Variants in ANKRD11 observed in about 807,000 individuals in gnomAD.
ANKRD11 encodes ankyrin repeat domain-containing protein 11.
ANKRD11 carries 17 observed loss-of-function variants against 195.7 expected under a neutral mutation model. The observed-to-expected ratio is 0.09, with a 90% confidence interval of 0.06 to 0.13. The LOEUF (loss-of-function observed/expected upper bound fraction) is 0.13. ANKRD11 is among the 10% of genes least tolerant of loss of function. ANKRD11 has a pLI of 1.00. For synonymous variants in ANKRD11, 1,953 were observed against 1,528.1 expected, an observed-to-expected ratio of 1.28 and a Z score of -6.49; for missense variants, 3,735 against 3,566.1, an observed-to-expected ratio of 1.05 and a Z score of -1.21.
At position 89,291,506 on chromosome 16, in the gene ANKRD11, G is replaced by A. The variant is rs566855258; in HGVS notation, c.227-323C>T. Among the ~76,000 whole-genome samples the A allele has an allele frequency of 6.6e-6, 1 of 152,160 alleles. No homozygotes were observed. The highest frequency in any genetic ancestry group is 2.4e-5 in the African/African-American group (1 of 41,448). ...CAGACCTCGTACCACACATGAATGC[G>A]GTGGGACAGCTTAGCACCGGTGACC... On this transcript the variant is annotated intron_variant, in intron 4 of 12. Transcript: ENST00000301030. The surrounding 1 kb of genome is among the most constrained non-coding windows in gnomAD (Gnocchi z 5.3).
chr16:89,340,062 C>T (rs898131474), intron 2 of ANKRD11: 1 of 152,188 alleles, frequency 6.6e-6, no homozygotes, highest in Non-Finnish European at 1.5e-5. Context: ...TGTTGACTAA[C>T]ATTTGTTTTT....
In ANKRD11 at chr16:89,274,691, C is replaced by T. The variant is rs932853081; in HGVS notation, c.7713+123G>A. ...TAGAGGCATGCAAAGGACTCTGTAG[C>T]CCCTGCAAGGTGCTGAGCACCCGGG... is the stretch of plus-strand genomic sequence containing the variant. On this transcript the variant is annotated intron_variant, in intron 11 of 12. Transcript: ENST00000301030. 5 of 1,410,848 alleles carry T rather than the reference C, an allele frequency of 3.5e-6. No homozygotes were observed. The African/African-American group carries it at 5.6e-5, about 16-fold the overall frequency. 87.4% of individuals were successfully genotyped at this position (1,410,848 alleles called of 1,614,324 possible).
Position 89,281,576 on chromosome 16 carries a change from C to T in ANKRD11, c.4966G>A (p.Glu1656Lys), listed in dbSNP as rs1235885739. 1 of 1,614,160 alleles carries T rather than the reference C, an allele frequency of 6.2e-7. No individual in the cohort carries two copies. Among genetic ancestry groups the T allele is most frequent in the South Asian group, 1.1e-5 (1 of 91,086 alleles). The change falls in exon 9 of 13, where the codon GAG becomes AAG. Residue 1656 changes from glutamate (E) to lysine (K), a missense_variant. Glu to Lys is a moderately conservative substitution (Grantham distance 56). Transcript: ENST00000301030. The surrounding 1 kb of genome is among the most constrained non-coding windows in gnomAD (Gnocchi z 5.5). ...DPPFKDKKLK[E>K]STPIPPAAEN... ...GCGGCAGGTGGAATAGGAGTCGACT[C>T]TTTGAGCTTTTTGTCTTTAAATGGA...
At chr16:89,325,685 T>C (rs28641045) in intron 2 of ANKRD11, among the ~76,000 whole-genome samples, 1,702 of 152,312 alleles carry the variant, frequency 0.011, 36 homozygotes, top group African/African-American at 0.039. Flanking sequence ...GCGTTTGCTT[T>C]GTGGTCTGCT....
At chr16:89,274,117 G>A (rs1472618820) in intron 11 of ANKRD11, among the ~76,000 whole-genome samples, 4 of 152,242 alleles carry the variant, frequency 2.6e-5, no homozygotes, top group African/African-American at 9.6e-5. Flanking sequence ...TCTGAGGCAG[G>A]AGTCCCTGGC....
chr16:89,368,755 A>T (rs2152074648), intron 2 of ANKRD11, among the ~76,000 whole-genome samples: 1 of 152,070 alleles, frequency 6.6e-6, no homozygotes, highest in African/African-American at 2.4e-5. Context: ...AAAATACAAA[A>T]ATTAGTCAGG....
chr16:89,421,756 A>C (rs991917965), intron 1 of ANKRD11, among the ~76,000 whole-genome samples: 22 of 146,832 alleles, frequency 1.5e-4, no homozygotes, highest in Admixed American at 3.4e-4. Context: ...TGACGGAGTC[A>C]GGGATGGGAC....
chr16:89,449,431 T>A (rs1420833363), intron 1 of ANKRD11, among the ~76,000 whole-genome samples: 2 of 151,810 alleles, frequency 1.3e-5, no homozygotes, highest in Non-Finnish European at 2.9e-5. Flanking sequence ...AACCAGGATC[T>A]CTGGAAATGC....
intron 2 of ANKRD11, among the ~76,000 whole-genome samples, chr16:89,338,414 T>C (rs2038484798): frequency 1.6e-5 from 2 of 122,832 alleles, no homozygotes. Flanking sequence ...GTACTTAACA[T>C]ACACTCTGTT....
At chr16:89,292,232 T>C (rs552284017) in intron 4 of ANKRD11, among the ~76,000 whole-genome samples, 13 of 152,264 alleles carry the variant, frequency 8.5e-5, no homozygotes, top group Admixed American at 8.5e-4. Flanking sequence ...TTCCCTTCCA[T>C]TCAGCACTCC....
At chr16:89,368,714 C>G (rs985039857) in intron 2 of ANKRD11, among the ~76,000 whole-genome samples, 1 of 151,404 alleles carries the variant, frequency 6.6e-6, no homozygotes, top group African/African-American at 2.4e-5. Context: ...TCAAGACCAG[C>G]CTAGGCAACA....
Position 89,368,386 on chromosome 16 carries a change from T to G in ANKRD11, c.-60+49898A>C, listed in dbSNP as rs931421359. Among the ~76,000 whole-genome samples the G allele has an allele frequency of 1.5e-3, 194 of 129,416 alleles. 1 individual carries two copies. The highest frequency in any genetic ancestry group is 3.9e-3 in the Middle Eastern group (1 of 258). 84.9% of individuals were successfully genotyped at this position (129,416 alleles called of 152,430 possible). ...TAATTTTTGTGTTTTTTTTTTTTTT[T>G]TTTTTTTTTTTTTTTTAGTAGAGAT... is the stretch of plus-strand genomic sequence containing the variant. On this transcript the variant is annotated intron_variant, in intron 2 of 12. Transcript: ENST00000301030.
intron 1 of ANKRD11, among the ~76,000 whole-genome samples, chr16:89,442,473 G>T (rs140313141): frequency 6.6e-6 from 1 of 151,950 alleles, no homozygotes; most frequent in Admixed American, 6.6e-5. Context: ...TCCCACAAAC[G>T]CCCCTTTATG....
Position 89,291,268 on chromosome 16 carries a change from G to A in ANKRD11, c.227-85C>T, listed in dbSNP as rs991268511. On this transcript the variant is annotated intron_variant, in intron 4 of 12. Transcript: ENST00000301030. The surrounding 1 kb of genome is among the most constrained non-coding windows in gnomAD (Gnocchi z 5.3). ...CTAGGTCCTTACCTAATGTTACGGA[G>A]CCCCCTGCGTCCACCTGACAGCTGA... 1.6e-5 allele frequency: 24 copies of A among 1,523,494 alleles called. No individual in the cohort carries two copies. Among genetic ancestry groups the A allele is most frequent in the Non-Finnish European group, 2.1e-5 (23 of 1,117,030 alleles). The allele number at this position is 1,523,494 out of a possible 1,614,324, so 94.4% of individuals were successfully genotyped here.
chr16:89,447,958 C>A (rs975953235), intron 1 of ANKRD11, among the ~76,000 whole-genome samples: 1 of 152,076 alleles, frequency 6.6e-6, no homozygotes, highest in Admixed American at 6.6e-5. Context: ...GCGCCCACCA[C>A]CACGCCTGGC....
At chr16:89,278,586 T>G (rs2033864430) in intron 9 of ANKRD11, 3 of 457,128 alleles carry the variant, frequency 6.6e-6, no homozygotes, top group Non-Finnish European at 8.8e-6. Flanking sequence ...CCAAGGGAGC[T>G]GCAGCTCTGC....
At chr16:89,271,145 C>A (rs996239829) in intron 11 of ANKRD11, 1 of 573,436 alleles carries the variant, frequency 1.7e-6, no homozygotes, top group Non-Finnish European at 3.2e-6. Context: ...CTCCTGGGCA[C>A]CGGGTGCCCG....
intron 12 of ANKRD11, chr16:89,270,379 C>A (rs2033033683): frequency 3.6e-6 from 1 of 275,492 alleles, no homozygotes; most frequent in Admixed American, 4.8e-5. Context: ...CCTGGTGGAT[C>A]CTCCAGGGTG....
At chr16:89,410,986 G>A (rs993158595) in intron 2 of ANKRD11, among the ~76,000 whole-genome samples, 1 of 152,224 alleles carries the variant, frequency 6.6e-6, no homozygotes, top group Non-Finnish European at 1.5e-5. Context: ...CTCCACAGGC[G>A]CTTTCCTGAA....
Sources: allele counts gnomAD v4.1 joint callset (sites outside exome capture counted in the v4.1 genomes callset), GRCh38; gene constraint gnomAD v4.1.1; non-coding constraint Gnocchi (gnomAD v3.1); transcripts MANE v1.5; gene names NCBI Gene and HGNC (gene_info 2026-07-23, HGNC 2026-07-21).